LPP: variants seen among roughly 807,000 people sequenced by gnomAD.
The protein encoded by LPP is lipoma-preferred partner.
A neutral mutation model predicts 60.4 loss-of-function variants in LPP; 38 were observed. The ratio of observed to expected loss-of-function variants is 0.63; its 90% CI spans 0.49 to 0.83. The LOEUF (loss-of-function observed/expected upper bound fraction) is 0.83, where lower values mean the gene tolerates loss of function less well. Ranked by LOEUF, LPP falls within the 40% of genes least tolerant of loss-of-function variation. LPP has a pLI of 0.00. For missense variants in LPP, 902 were observed against 783.6 expected (o/e 1.15, Z -1.80); for synonymous variants, 328 against 290.8 (o/e 1.13, Z -1.30).
Position 188,609,093 on chromosome 3 carries a change from A to AT in LPP, c.430-63dup. ...AGTTATTAATATTTTTCATTTATTC[A>AT]TTTTTATTGAGTTTCGTTGGCAGTA... On this transcript the variant is annotated intron_variant, in intron 6 of 11. Coordinates refer to ENST00000617246, the MANE Select transcript of LPP (RefSeq NM_001375462.1). The surrounding 1 kb of genome is among the most constrained non-coding windows in gnomAD (Gnocchi z 6.9). 8.7e-7 allele frequency: 1 copy of AT among 1,154,122 alleles called. No homozygotes were observed. The highest frequency in any genetic ancestry group is 1.2e-6 in the Non-Finnish European group (1 of 803,882). 71.5% of individuals were successfully genotyped at this position (1,154,122 alleles called of 1,614,324 possible).
chr3:188,214,425 C>A (rs1320748698), intron 1 of LPP, among the ~76,000 whole-genome samples: 2 of 152,240 alleles, frequency 1.3e-5, no homozygotes, highest in Non-Finnish European at 2.9e-5. Flanking sequence ...GCTGCTGCAC[C>A]TGGCCTCGGA....
intron 2 of LPP, among the ~76,000 whole-genome samples, chr3:188,311,649 G>GT (rs11361792): frequency 2.9e-4 from 44 of 150,468 alleles, no homozygotes; most frequent in South Asian, 6.3e-4. Flanking sequence ...TTTTTTTTCT[G>GT]TTTTTTTTCT....
chr3:188,282,293 C>T (rs1742383899), intron 2 of LPP, among the ~76,000 whole-genome samples: 2 of 152,132 alleles, frequency 1.3e-5, no homozygotes, highest in Non-Finnish European at 2.9e-5. Flanking sequence ...TGTCAGGTTC[C>T]TGCTGATATA....
At chr3:188,242,598 TAG>T (rs1476085411) in intron 2 of LPP, among the ~76,000 whole-genome samples, 2 of 151,774 alleles carry the variant, frequency 1.3e-5, no homozygotes, top group African/African-American at 2.4e-5. Context: ...CAGTCAGGAG[TAG>T]AGAGTTAGGT....
intron 4 of LPP, among the ~76,000 whole-genome samples, chr3:188,479,018 C>T (rs1410998990): frequency 6.6e-6 from 1 of 152,132 alleles, no homozygotes; most frequent in African/African-American, 2.4e-5. Context: ...TCCCAAAGTG[C>T]TGGGGTTACA....
Position 188,876,211 on chromosome 3 carries a change from C to A in LPP, c.*1732C>A, listed in dbSNP as rs772514879. The A allele has an allele frequency of 2.8e-4, 52 of 186,126 alleles. No homozygotes were observed. The highest frequency in any genetic ancestry group is 1.9e-3 in the Middle Eastern group (1 of 518). The allele number at this position is 186,126 out of a possible 1,614,324, so 11.5% of individuals were successfully genotyped here. ...TACGTGTTTTGAATTGCAAACTATT[C>A]CTCAGGAATTCCAATTAAATTTATT... On this transcript the variant is annotated 3_prime_UTR_variant, in exon 12 of 12. Transcript: ENST00000617246.
intron 8 of LPP, among the ~76,000 whole-genome samples, chr3:188,719,421 A>T (rs970659822): frequency 2.0e-5 from 3 of 152,222 alleles, no homozygotes; most frequent in African/African-American, 7.2e-5. Flanking sequence ...TTGGTGTTTC[A>T]TACCGTCTTG....
intron 9 of LPP, among the ~76,000 whole-genome samples, chr3:188,787,663 G>A (rs571523486): frequency 8.0e-4 from 122 of 152,214 alleles, no homozygotes; most frequent in African/African-American, 2.5e-3. Flanking sequence ...CTATAGCACC[G>A]TACACTCTGG....
intron 4 of LPP, among the ~76,000 whole-genome samples, chr3:188,473,828 A>G (rs1802467188): frequency 6.6e-6 from 1 of 152,210 alleles, no homozygotes; most frequent in Non-Finnish European, 1.5e-5. Context: ...ATTGGAGAAG[A>G]TCAATACAGT....
At chr3:188,453,887 G>C (rs1797159881) in intron 4 of LPP, among the ~76,000 whole-genome samples, 2 of 151,994 alleles carry the variant, frequency 1.3e-5, no homozygotes, top group Non-Finnish European at 2.9e-5. Flanking sequence ...TAGAACTGTG[G>C]AGATTCTAAC....
At chr3:188,773,267 C>T (rs1736679609) in intron 9 of LPP, among the ~76,000 whole-genome samples, 1 of 152,064 alleles carries the variant, frequency 6.6e-6, no homozygotes, top group African/African-American at 2.4e-5. Flanking sequence ...TAAGGGGATG[C>T]CAGCCAAGGC....
intron 2 of LPP, among the ~76,000 whole-genome samples, chr3:188,313,647 A>T (rs200220669): frequency 1.7e-3 from 250 of 150,682 alleles, no homozygotes; most frequent in Middle Eastern, 3.4e-3. Flanking sequence ...AAAAAAAAAA[A>T]AAAATAAAAT....
chr3:188,359,426 C>A (rs183678201), intron 3 of LPP, among the ~76,000 whole-genome samples: 28 of 152,268 alleles, frequency 1.8e-4, no homozygotes. Flanking sequence ...GCCCTGAGAA[C>A]ATATTAGGAG....
At chr3:188,550,655 C>T (rs4479586) in intron 6 of LPP, among the ~76,000 whole-genome samples, 67,700 of 149,378 alleles carry the variant, frequency 0.45, 16,281 homozygotes, top group East Asian at 0.92. Flanking sequence ...TATGTATTTA[C>T]TTTAGGTAAA....
At chr3:188,328,333 C>A (rs1050282564) in intron 2 of LPP, among the ~76,000 whole-genome samples, 2 of 152,130 alleles carry the variant, frequency 1.3e-5, no homozygotes, top group African/African-American at 4.8e-5. Flanking sequence ...CTCACTTATT[C>A]AGTTCTTGCA....
At chr3:188,712,648 C>T (rs1401155810) in intron 8 of LPP, 4 of 152,186 alleles carry the variant, frequency 2.6e-5, no homozygotes, top group Non-Finnish European at 5.9e-5. Flanking sequence ...GCAGGACTAT[C>T]CTCTCAGCCC....
chr3:188,330,695 A>G (rs1020382708), intron 2 of LPP, among the ~76,000 whole-genome samples: 4 of 152,156 alleles, frequency 2.6e-5, no homozygotes, highest in African/African-American at 9.7e-5. Flanking sequence ...CCATGCCTGT[A>G]GCCCCAACTA....
rs145366273 is a variant in LPP, at chr3:188,559,248, G to A, written c.429+34461G>A. Among the ~76,000 whole-genome samples the A allele has an allele frequency of 7.9e-3, 1,208 of 152,176 alleles. 1 individual carries two copies. Among genetic ancestry groups the A allele is most frequent in the Non-Finnish European group, 0.013 (862 of 68,002 alleles). Reference sequence around the variant, plus strand: ...TTCAGCTGTTAACTGGCTCACCATCGTGACAACAGGCACCAGATTATTCAC... The same window carrying A: ...TTCAGCTGTTAACTGGCTCACCATCATGACAACAGGCACCAGATTATTCAC... On this transcript the variant is annotated intron_variant, in intron 6 of 11. Transcript: ENST00000617246.
chr3:188,327,542 G>A (rs1337123532), intron 2 of LPP, among the ~76,000 whole-genome samples: 1 of 152,212 alleles, frequency 6.6e-6, no homozygotes, highest in African/African-American at 2.4e-5. Flanking sequence ...TGGAGCAGTA[G>A]TGGAGTCTGA....
Sources: allele counts gnomAD v4.1 joint callset (sites outside exome capture counted in the v4.1 genomes callset), GRCh38; gene constraint gnomAD v4.1.1; non-coding constraint Gnocchi (gnomAD v3.1); transcripts MANE v1.5; gene names NCBI Gene and HGNC (gene_info 2026-07-23, HGNC 2026-07-21).